The following BRI3 variants were observed in gnomAD, a reference collection of about 807,000 sequenced individuals.
The protein encoded by BRI3 is brain protein I3.
A neutral mutation model predicts 12.8 loss-of-function variants in BRI3; 6 were observed. That is an observed-to-expected ratio of 0.47 (90% CI 0.26 to 0.93). BRI3 has a LOEUF of 0.93. Ranked by LOEUF, BRI3 falls within the 40% of genes least tolerant of loss-of-function variation. The probability of loss-of-function intolerance (pLI) is 0.15; values close to 1 mark genes in which losing one functional copy is unlikely to be tolerated. For missense variants in BRI3, 134 were observed against 171.1 expected, an observed-to-expected ratio of 0.78 and a Z score of 1.21; for synonymous variants, 91 against 76.1, an observed-to-expected ratio of 1.20 and a Z score of -1.02.
At chr7:98,303,604 G>T (rs552101246), upstream of BRI3, among the ~76,000 whole-genome samples, 2 of 152,294 alleles carry the variant, frequency 1.3e-5, no homozygotes, top group Admixed American at 1.3e-4. Flanking sequence ...TTCTCCTCTA[G>T]CTGGAGAGCC....
upstream of BRI3, among the ~76,000 whole-genome samples, chr7:98,303,454 G>A (rs1014834798): frequency 6.6e-6 from 1 of 152,192 alleles, no homozygotes; most frequent in Non-Finnish European, 1.5e-5. Flanking sequence ...GTCCAGCCGC[G>A]CTGCTCCCCA....
At chr7:98,302,363 G>A (rs1018984942), upstream of BRI3, among the ~76,000 whole-genome samples, 1 of 152,166 alleles carries the variant, frequency 6.6e-6, no homozygotes, top group African/African-American at 2.4e-5. Flanking sequence ...ATTTTTGGGG[G>A]CAAGATTCTT....
At chr7:98,321,882 G>A in the BRI3 span, among the ~76,000 whole-genome samples, 1 of 152,184 alleles carries the variant, frequency 6.6e-6, no homozygotes, top group Non-Finnish European at 1.5e-5. Context: ...AGTATCACGA[G>A]GTAAGGAGTT....
downstream of BRI3, chr7:98,292,716 C>A: frequency 1.3e-6 from 2 of 1,551,580 alleles, no homozygotes; most frequent in Middle Eastern, 1.7e-4. Flanking sequence ...ACCAGGACCC[C>A]GAGCAGTTTG....
downstream of BRI3, among the ~76,000 whole-genome samples, chr7:98,314,732 G>A (rs933673315): frequency 3.9e-5 from 6 of 152,120 alleles, no homozygotes; most frequent in South Asian, 2.1e-4. Flanking sequence ...CGTGACCCCC[G>A]GACACGGACC....
downstream of BRI3, chr7:98,293,471 A>G (rs1466671632): frequency 1.3e-6 from 2 of 1,551,698 alleles, no homozygotes; most frequent in East Asian, 2.2e-5. Flanking sequence ...TGCGCCCATC[A>G]TTCCGCAAGG....
intron 2 of BRI3, among the ~76,000 whole-genome samples, chr7:98,286,586 G>C (rs1799717667): frequency 6.6e-6 from 1 of 152,176 alleles, no homozygotes; most frequent in African/African-American, 2.4e-5. Context: ...GAGGCTGTGG[G>C]GACCGCAGGT....
At chr7:98,322,299 C>T in the BRI3 span, among the ~76,000 whole-genome samples, 2 of 152,188 alleles carry the variant, frequency 1.3e-5, no homozygotes, top group Non-Finnish European at 2.9e-5. Flanking sequence ...GCCACCCAGG[C>T]TTCCCTTGTC....
At chr7:98,292,106 CCTGG>C (rs1448318816), downstream of BRI3, 1 of 154,776 alleles carries the variant, frequency 6.5e-6, no homozygotes, top group African/African-American at 2.4e-5. Flanking sequence ...CACTGCTGGA[CCTGG>C]CTGGAAGGAG....
chr7:98,313,885 C>A (rs1188690467), downstream of BRI3, among the ~76,000 whole-genome samples: 1 of 151,498 alleles, frequency 6.6e-6, no homozygotes, highest in African/African-American at 2.4e-5. Flanking sequence ...CTGCCTTGGG[C>A]TCCCAAAGGG....
chr7:98,304,366 C>G, upstream of BRI3: 1 of 1,613,454 alleles, frequency 6.2e-7, no homozygotes, highest in Non-Finnish European at 8.5e-7. Context: ...ATGCTTCTCA[C>G]TGGTGTGGGG....
At chr7:98,289,390 G>C (rs547326788) in intron 2 of BRI3, among the ~76,000 whole-genome samples, 4 of 152,260 alleles carry the variant, frequency 2.6e-5, no homozygotes, top group Non-Finnish European at 5.9e-5. Flanking sequence ...CAGCAGGGGT[G>C]GGGGCAGTGG....
At chr7:98,313,957 G>A (rs567643795), downstream of BRI3, among the ~76,000 whole-genome samples, 35 of 149,730 alleles carry the variant, frequency 2.3e-4, no homozygotes, top group Non-Finnish European at 4.4e-4. Context: ...ATCTTATTTA[G>A]GGAGCTGAAT....
At chr7:98,307,869 CG>C (rs1562967561) in exon 2 of BRI3, 1 of 1,614,220 alleles carries the variant, frequency 6.2e-7, no homozygotes, top group Non-Finnish European at 8.5e-7. Context: ...CGAAACTGAT[CG>C]CTGTAAACTG....
At chr7:98,286,706 T>C (rs1799721077) in intron 2 of BRI3, among the ~76,000 whole-genome samples, 1 of 152,184 alleles carries the variant, frequency 6.6e-6, no homozygotes, top group Non-Finnish European at 1.5e-5. Context: ...GTTCAGAAGA[T>C]TTGGGGTTTT....
At chr7:98,305,038 TTGTTTTTTG>T (rs1298825008), upstream of BRI3, among the ~76,000 whole-genome samples, 14 of 118,798 alleles carry the variant, frequency 1.2e-4, no homozygotes, top group African/African-American at 5.3e-4. Flanking sequence ...GCTAATTTTT[TTGTTTTTTG>T]TTTTTTTTTT....
At chr7:98,292,559 C>G, downstream of BRI3, 1 of 1,361,664 alleles carries the variant, frequency 7.3e-7, no homozygotes, top group Non-Finnish European at 1.0e-6. Flanking sequence ...GCAGCCAGTG[C>G]GTAGTCCTCA....
At chr7:98,285,293 G>A (rs1451365852) in intron 2 of BRI3, among the ~76,000 whole-genome samples, 1 of 152,178 alleles carries the variant, frequency 6.6e-6, no homozygotes, top group Non-Finnish European at 1.5e-5. Flanking sequence ...GGCACGGGGT[G>A]GTGACTGTGG....
chr7:98,307,896 C>T, exon 2 of BRI3: 1 of 1,614,174 alleles, frequency 6.2e-7, no homozygotes. Context: ...TTCGGAAGTA[C>T]CTGTTGGAGG....
Sources: allele counts gnomAD v4.1 joint callset (sites outside exome capture counted in the v4.1 genomes callset), GRCh38; gene constraint gnomAD v4.1.1; transcripts MANE v1.5; gene names NCBI Gene and HGNC (gene_info 2026-07-23, HGNC 2026-07-21).